MACROD2: variants seen among roughly 807,000 people sequenced by gnomAD.
MACROD2 encodes mono-ADP ribosylhydrolase 2, also known as ADP-ribose glycohydrolase MACROD2.
Under a neutral mutation model 70.4 loss-of-function variants are expected in MACROD2, and 36 were observed. The observed-to-expected ratio is 0.51, with a 90% CI of 0.39 to 0.68. The LOEUF is 0.68. MACROD2 is among the 30% of genes least tolerant of loss of function. The pLI is 0.00. For missense variants in MACROD2, 496 were observed against 538.4 expected (o/e 0.92, Z 0.78); for synonymous variants, 172 against 178.8 (o/e 0.96, Z 0.30).
At chr20:15,317,186 A>G (rs929641744) in intron 6 of MACROD2, among the ~76,000 whole-genome samples, 4 of 152,070 alleles carry the variant, frequency 2.6e-5, no homozygotes, top group Non-Finnish European at 4.4e-5. Context: ...CTTGTATTAA[A>G]AAAGGAAATA....
At chr20:14,132,062 C>G (rs1377519950) in intron 3 of MACROD2, among the ~76,000 whole-genome samples, 1 of 139,682 alleles carries the variant, frequency 7.2e-6, no homozygotes, top group East Asian at 2.3e-4. Flanking sequence ...ACCCGGGAGG[C>G]GGAGCTTGCA....
chr20:15,320,818 G>A (rs190903442), intron 6 of MACROD2, among the ~76,000 whole-genome samples: 16 of 152,040 alleles, frequency 1.1e-4, no homozygotes, highest in Admixed American at 5.9e-4. Flanking sequence ...AAGTTGTTAT[G>A]AGATGGTACT....
intron 3 of MACROD2, among the ~76,000 whole-genome samples, chr20:14,464,015 C>A (rs2084406495): frequency 6.6e-6 from 1 of 151,888 alleles, no homozygotes; most frequent in Non-Finnish European, 1.5e-5. Context: ...TGTGTCTCTG[C>A]CAGGCTTTGG....
At chr20:14,155,159 C>A (rs1443385027) in intron 3 of MACROD2, among the ~76,000 whole-genome samples, 1 of 151,980 alleles carries the variant, frequency 6.6e-6, no homozygotes, top group Non-Finnish European at 1.5e-5. Flanking sequence ...TATATACACA[C>A]ATATATATAA....
intron 3 of MACROD2, among the ~76,000 whole-genome samples, chr20:14,216,094 G>T (rs1385803602): frequency 6.6e-6 from 1 of 151,954 alleles, no homozygotes; most frequent in Non-Finnish European, 1.5e-5. Context: ...CCAATGTCTA[G>T]ACAGGTTTTT....
intron 5 of MACROD2, among the ~76,000 whole-genome samples, chr20:14,779,208 T>A (rs1388116251): frequency 6.6e-6 from 1 of 152,076 alleles, no homozygotes; most frequent in Non-Finnish European, 1.5e-5. Context: ...TCACAGCACG[T>A]CCACAGCAAA....
At chr20:14,537,642 G>GT (rs897866241) in intron 4 of MACROD2, among the ~76,000 whole-genome samples, 5 of 152,266 alleles carry the variant, frequency 3.3e-5, no homozygotes, top group African/African-American at 9.6e-5. Flanking sequence ...CATCACCAAT[G>GT]TAAGTTCCAT....
chr20:15,771,367 A>C (rs1166653108), intron 8 of MACROD2, among the ~76,000 whole-genome samples: 2 of 148,450 alleles, frequency 1.3e-5, no homozygotes, highest in African/African-American at 5.2e-5. Context: ...TTTTTTTGTA[A>C]AGATGGGATT....
chr20:15,005,901 C>T (rs2075031898), intron 5 of MACROD2, among the ~76,000 whole-genome samples: 1 of 151,950 alleles, frequency 6.6e-6, no homozygotes, highest in Non-Finnish European at 1.5e-5. Flanking sequence ...ATTGAAAGAG[C>T]CGATTTTGCC....
intron 3 of MACROD2, among the ~76,000 whole-genome samples, chr20:14,194,141 C>T (rs538273552): frequency 6.6e-6 from 1 of 152,254 alleles, no homozygotes; most frequent in African/African-American, 2.4e-5. Context: ...TGCTCCATAT[C>T]AGAATTTGCC....
At chr20:15,784,219 G>A (rs952447540) in intron 8 of MACROD2, among the ~76,000 whole-genome samples, 1 of 152,138 alleles carries the variant, frequency 6.6e-6, no homozygotes, top group Non-Finnish European at 1.5e-5. Flanking sequence ...CCCAGCGCAT[G>A]TGTATTGAGA....
At chr20:15,520,678 C>T (rs1193816639) in intron 8 of MACROD2, among the ~76,000 whole-genome samples, 1 of 152,216 alleles carries the variant, frequency 6.6e-6, no homozygotes, top group Non-Finnish European at 1.5e-5. Flanking sequence ...GTATGGTATG[C>T]CGGGTCCCTC....
chr20:15,854,520 A>T (rs1422164756), intron 8 of MACROD2, among the ~76,000 whole-genome samples: 1 of 152,160 alleles, frequency 6.6e-6, no homozygotes, highest in Non-Finnish European at 1.5e-5. Flanking sequence ...AGCTTTTGAG[A>T]CTCAAAGCAG....
intron 5 of MACROD2, among the ~76,000 whole-genome samples, chr20:15,064,340 C>T (rs191663067): frequency 3.2e-4 from 49 of 152,272 alleles, no homozygotes; most frequent in African/African-American, 1.0e-3. Flanking sequence ...CCCAGTGGAA[C>T]GTCAGACGGC....
chr20:15,169,228 T>A (rs1162508267), intron 5 of MACROD2, among the ~76,000 whole-genome samples: 1 of 152,198 alleles, frequency 6.6e-6, no homozygotes, highest in Non-Finnish European at 1.5e-5. Flanking sequence ...CTTGTGTTTG[T>A]ATTTCATGCT....
chr20:15,375,498 C>G (rs1179453303), intron 6 of MACROD2, among the ~76,000 whole-genome samples: 1 of 152,022 alleles, frequency 6.6e-6, no homozygotes, highest in Non-Finnish European at 1.5e-5. Context: ...TCTCGGTATG[C>G]CAAGATTCAC....
At chr20:15,863,001 T>C (rs1267088670) in intron 9 of MACROD2, among the ~76,000 whole-genome samples, 175 bp downstream of exon 9, 1 of 151,814 alleles carries the variant, frequency 6.6e-6, no homozygotes, top group Non-Finnish European at 1.5e-5. Context: ...TGTGGAACTC[T>C]TGCCCCAAGA....
At chr20:15,794,653 G>A (rs1600901620) in intron 8 of MACROD2, among the ~76,000 whole-genome samples, 1 of 152,166 alleles carries the variant, frequency 6.6e-6, no homozygotes, top group South Asian at 2.1e-4. Flanking sequence ...AACTCCAGGG[G>A]TTTGATAGAA....
intron 3 of MACROD2, among the ~76,000 whole-genome samples, chr20:14,231,477 T>G (rs1170514054): frequency 2.0e-5 from 3 of 152,202 alleles, no homozygotes; most frequent in Non-Finnish European, 2.9e-5. Context: ...ACTCATCCTT[T>G]TTTATGGCTG....
Sources: allele counts gnomAD v4.1 joint callset (sites outside exome capture counted in the v4.1 genomes callset), GRCh38; gene constraint gnomAD v4.1.1; transcripts MANE v1.5; gene names NCBI Gene and HGNC (gene_info 2026-07-23, HGNC 2026-07-21).